RBFOX3: variants seen among roughly 807,000 people sequenced by gnomAD.
RBFOX3 encodes the protein RNA binding fox-1 homolog 3.
A neutral mutation model predicts 48.7 loss-of-function variants in RBFOX3; 17 were observed. The ratio of observed to expected loss-of-function variants is 0.35; its 90% confidence interval spans 0.24 to 0.52. The LOEUF is 0.52. Ranked by LOEUF, RBFOX3 falls within the 20% of genes least tolerant of loss-of-function variation. The pLI is 0.94. For missense variants in RBFOX3, 382 were observed against 497.5 expected (o/e 0.77, Z 2.21); for synonymous variants, 212 against 209.5 (o/e 1.01, Z -0.10).
At chr17:79,190,435 A>C (rs866866675) in intron 4 of RBFOX3, among the ~76,000 whole-genome samples, 11,026 of 149,616 alleles carry the variant, frequency 0.074, 517 homozygotes, top group South Asian at 0.11. Context: ...AAAAAAACAA[A>C]AAAACAGAGT....
chr17:79,426,118 G>A (rs1029405232), intron 2 of RBFOX3, among the ~76,000 whole-genome samples: 2 of 152,088 alleles, frequency 1.3e-5, no homozygotes, highest in Non-Finnish European at 2.9e-5. Flanking sequence ...GAGTCAGGGG[G>A]CATGGGTGCT....
At chr17:79,354,886 C>A (rs1444841482) in intron 2 of RBFOX3, among the ~76,000 whole-genome samples, 1 of 152,256 alleles carries the variant, frequency 6.6e-6, no homozygotes, top group African/African-American at 2.4e-5. Context: ...CTTGATCCTT[C>A]TAAAGTAAAA....
intron 3 of RBFOX3, among the ~76,000 whole-genome samples, chr17:79,245,227 C>A (rs1194538660): frequency 6.6e-6 from 1 of 152,060 alleles, no homozygotes; most frequent in Non-Finnish European, 1.5e-5. Context: ...CGTACGCCAC[C>A]ACACCCGGCT....
chr17:79,330,093 A>G (rs1454793747), intron 2 of RBFOX3, among the ~76,000 whole-genome samples: 1 of 151,810 alleles, frequency 6.6e-6, no homozygotes, highest in Admixed American at 6.6e-5. Context: ...AACTCCAGAG[A>G]CTCTTGTGTG....
the RBFOX3 span, among the ~76,000 whole-genome samples, chr17:79,621,291 G>A: frequency 4.6e-5 from 7 of 152,204 alleles, no homozygotes; most frequent in South Asian, 1.2e-3. Context: ...GAGCCACCAC[G>A]CCCAGCCTGT....
intron 2 of RBFOX3, among the ~76,000 whole-genome samples, chr17:79,396,137 G>A (rs1007738969): frequency 2.0e-5 from 3 of 152,336 alleles, no homozygotes; most frequent in East Asian, 1.9e-4. Context: ...ACCTGGGGCC[G>A]GAGGGCCCTG....
At chr17:79,654,125 G>A in the RBFOX3 span, among the ~76,000 whole-genome samples, 5 of 152,088 alleles carry the variant, frequency 3.3e-5, no homozygotes, top group African/African-American at 7.2e-5. Flanking sequence ...AATTGTGGAC[G>A]TATACAGCTT....
intron 4 of RBFOX3, among the ~76,000 whole-genome samples, chr17:79,203,754 A>G (rs759675038): frequency 6.6e-6 from 1 of 152,130 alleles, no homozygotes; most frequent in African/African-American, 2.4e-5. Flanking sequence ...TCATGGAAAT[A>G]TGTAACTAGA....
At chr17:79,453,148 G>A (rs1188913041) in intron 2 of RBFOX3, among the ~76,000 whole-genome samples, 4 of 152,274 alleles carry the variant, frequency 2.6e-5, no homozygotes, top group African/African-American at 9.6e-5. Flanking sequence ...AACCCGGGAT[G>A]AAATGCTAAT....
chr17:79,148,537 G>A (rs942799369), intron 4 of RBFOX3, among the ~76,000 whole-genome samples: 7 of 152,146 alleles, frequency 4.6e-5, no homozygotes, highest in Non-Finnish European at 8.8e-5. Context: ...CTCTGTCCCC[G>A]GCCACTGAGT....
chr17:79,594,761 C>T (rs2093522708), intron 1 of RBFOX3, among the ~76,000 whole-genome samples: 1 of 152,176 alleles, frequency 6.6e-6, no homozygotes, highest in Non-Finnish European at 1.5e-5. Context: ...GTTCTGGTGT[C>T]CAGGGGCTGG....
intron 4 of RBFOX3, among the ~76,000 whole-genome samples, chr17:79,223,570 G>C (rs2059973420): frequency 6.6e-6 from 1 of 152,322 alleles, no homozygotes; most frequent in African/African-American, 2.4e-5. Context: ...CTTGGGCCAG[G>C]CTGTGACATT....
intron 3 of RBFOX3, among the ~76,000 whole-genome samples, chr17:79,283,729 C>T (rs1032849678): frequency 6.6e-6 from 1 of 152,248 alleles, no homozygotes; most frequent in African/African-American, 2.4e-5. Context: ...GACCCGAGTC[C>T]TTGCCCATCA....
intron 1 of RBFOX3, among the ~76,000 whole-genome samples, chr17:79,510,478 T>C (rs1736427552): frequency 6.6e-6 from 1 of 152,132 alleles, no homozygotes; most frequent in East Asian, 1.9e-4. Context: ...TCCCATAACC[T>C]TCATGTTCGG....
intron 2 of RBFOX3, among the ~76,000 whole-genome samples, chr17:79,388,733 GCAGCCGCCTC>G (rs144933683): frequency 1.8e-3 from 271 of 152,262 alleles, no homozygotes; most frequent in African/African-American, 5.8e-3. Context: ...CAGCTCCTCA[GCAGCCGCCTC>G]CAGCCACCCC....
upstream of RBFOX3, among the ~76,000 whole-genome samples, chr17:79,613,259 T>G (rs1178967552): frequency 2.0e-5 from 3 of 152,184 alleles, no homozygotes; most frequent in Non-Finnish European, 4.4e-5. Context: ...GCCCGGGTGG[T>G]AAACTGAAAT....
In RBFOX3 at chr17:79,090,686, C is replaced by T; in HGVS notation, c.*197G>A. On this transcript the variant is annotated 3_prime_UTR_variant, in exon 15 of 15. Transcript: ENST00000693108. The stretch of plus-strand genomic sequence containing the variant: ...CCTGTCCTGGGGCCGCTCCTCGGCG[C>T]CCCTGCCGGCGTGCTCCCTCGGTGC... The T allele has an allele frequency of 1.5e-6, 1 of 668,486 alleles. No individual in the cohort carries two copies. The highest frequency in any genetic ancestry group is 2.5e-6 in the Non-Finnish European group (1 of 400,734). The allele number at this position is 668,486 out of a possible 1,614,324, so 41.4% of individuals were successfully genotyped here. A position where few individuals can be genotyped will look rare whatever the true frequency, so the allele number is the denominator to read the frequency against.
intron 2 of RBFOX3, among the ~76,000 whole-genome samples, chr17:79,379,607 G>A (rs924818957): frequency 2.0e-5 from 3 of 152,126 alleles, no homozygotes; most frequent in South Asian, 2.1e-4. Context: ...CAGGGACCTC[G>A]GAGACTCAGC....
chr17:79,620,383 ATG>A, the RBFOX3 span, among the ~76,000 whole-genome samples: 1 of 147,844 alleles, frequency 6.8e-6, no homozygotes, highest in Non-Finnish European at 1.5e-5. Flanking sequence ...ATACACACAC[ATG>A]CACACATGCC....
Sources: allele counts gnomAD v4.1 joint callset (sites outside exome capture counted in the v4.1 genomes callset), GRCh38; gene constraint gnomAD v4.1.1; transcripts MANE v1.5; gene names NCBI Gene and HGNC (gene_info 2026-07-23, HGNC 2026-07-21).